Variants in NPLOC4 observed in about 807,000 individuals in gnomAD.
The protein encoded by NPLOC4 is nuclear protein localization protein 4 homolog.
A neutral mutation model predicts 80.6 loss-of-function variants in NPLOC4; 18 were observed. The observed-to-expected ratio is 0.22, with a 90% CI of 0.15 to 0.33. The LOEUF is 0.33. NPLOC4 is among the 10% of genes least tolerant of loss of function. The probability of loss-of-function intolerance (pLI) is 1.00; values close to 1 mark genes in which losing one functional copy is unlikely to be tolerated. For missense variants in NPLOC4, 540 were observed against 786.1 expected, an observed-to-expected ratio of 0.69 and a Z score of 3.74; for synonymous variants, 313 against 301.5, an observed-to-expected ratio of 1.04 and a Z score of -0.39.
In NPLOC4 at chr17:81,596,057, AG is replaced by A; in HGVS notation, c.1120+58del. On this transcript the variant is annotated intron_variant, in intron 11 of 16. Transcript: ENST00000331134. ...TTAAGGATAAAAAGCTACCAAAAAGAGGAACAAAATATATTAACGAGGTGGT... is the reference window on the plus strand; with the variant it reads ...TTAAGGATAAAAAGCTACCAAAAAGAGAACAAAATATATTAACGAGGTGGT... 3.9e-6 allele frequency: 6 copies of A among 1,531,558 alleles called. No individual in the cohort carries two copies. In the South Asian group the frequency reaches 7.1e-5, roughly 18 times the overall value. The allele number at this position is 1,531,558 out of a possible 1,614,324, so 94.9% of individuals were successfully genotyped here.
Position 81,567,291 on chromosome 17 carries a change from G to T in NPLOC4, c.1566+126C>A. ...ATAGGACAAATGAGGGGGACAACCT[G>T]TGACCCCGAGCTTTGACCCAGTTTC... On this transcript the variant is annotated intron_variant, in intron 15 of 16. Transcript: ENST00000331134. The surrounding 1 kb of genome is among the most constrained non-coding windows in gnomAD (Gnocchi z 4.5). The T allele has an allele frequency of 1.5e-6, 1 of 649,740 alleles. No homozygotes were observed. Among genetic ancestry groups the T allele is most frequent in the Non-Finnish European group, 2.8e-6 (1 of 357,880 alleles). 40.2% of individuals were successfully genotyped at this position (649,740 alleles called of 1,614,324 possible).
chr17:81,572,034 C>T lies in NPLOC4; in HGVS notation c.1336G>A (p.Glu446Lys). 6.2e-7 allele frequency: 1 copy of T among 1,605,960 alleles called. No individual in the cohort carries two copies. Among genetic ancestry groups the T allele is most frequent in the Non-Finnish European group, 8.5e-7 (1 of 1,175,356 alleles). ...ITQLARPLPV[E>K]YLIIDITTTF... ...GCACTTACGTCTATGATGAGATACT[C>T]CACAGGCAGGGGCCGGGCCAGCTGG... is the stretch of plus-strand genomic sequence containing the variant. Residue 446 changes from glutamate to lysine, a missense_variant, in exon 13 of 17, where the codon GAG becomes AAG. Around this residue, in one of 6 missense-constraint regions of NPLOC4, gnomAD observed 251 missense variants for 377.5 expected, o/e 0.66. Coordinates refer to ENST00000331134, the MANE Select transcript of NPLOC4 (RefSeq NM_017921.4). The surrounding 1 kb of genome is among the most constrained non-coding windows in gnomAD (Gnocchi z 4.5).
chr17:81,591,409 C>T (rs1490340016), intron 11 of NPLOC4, among the ~76,000 whole-genome samples: 1 of 128,474 alleles, frequency 7.8e-6, no homozygotes, highest in African/African-American at 2.9e-5. Context: ...CACTCCAGCC[C>T]GGGCAATGGA....
chr17:81,588,444 T>C (rs1278596561), intron 12 of NPLOC4, among the ~76,000 whole-genome samples: 1 of 152,210 alleles, frequency 6.6e-6, no homozygotes, highest in African/African-American at 2.4e-5. Context: ...AACTGCAGCC[T>C]TGACCTCCCC....
At chr17:81,604,398 C>G in intron 8 of NPLOC4, 150 bp downstream of exon 8, 1 of 665,432 alleles carries the variant, frequency 1.5e-6, no homozygotes, top group Non-Finnish European at 2.5e-6. Context: ...ATCTCACTCT[C>G]CAATAACTCA....
intron 3 of NPLOC4, among the ~76,000 whole-genome samples, chr17:81,619,020 G>A (rs921912294): frequency 2.6e-5 from 4 of 151,960 alleles, no homozygotes; most frequent in African/African-American, 9.7e-5. Context: ...CTGGTTAAGA[G>A]TCATCACCAC....
chr17:81,620,780 CAG>C (rs1235277711), intron 3 of NPLOC4, among the ~76,000 whole-genome samples: 1 of 152,146 alleles, frequency 6.6e-6, no homozygotes, highest in Admixed American at 6.6e-5. Context: ...CTGGCTGGAA[CAG>C]AGAGTGTGCA....
At position 81,629,883 on chromosome 17, in the gene NPLOC4, C is replaced by G; in HGVS notation, c.16-78G>C. 1.9e-6 allele frequency: 2 copies of G among 1,033,504 alleles called. 1 individual carries two copies. Among genetic ancestry groups the G allele is most frequent in the Non-Finnish European group, 3.0e-6 (2 of 664,948 alleles). The allele number at this position is 1,033,504 out of a possible 1,614,324, so 64.0% of individuals were successfully genotyped here. On this transcript the variant is annotated intron_variant, in intron 1 of 16. Transcript: ENST00000331134. ...TAATACTACGGCTTCCATCTGTGGT[C>G]TTTTAGCATCTGGGTCACTGAAAAT...
chr17:81,622,245 A>C lies in NPLOC4; in HGVS notation c.130T>G (p.Phe44Val). Residue 44 changes from phenylalanine (F) to valine (V), a missense_variant, in exon 3 of 17, where the codon TTC becomes GTC. Coordinates refer to ENST00000331134, the MANE Select transcript of NPLOC4 (RefSeq NM_017921.4). Reference protein sequence around the residue: ...AKEFGFQNNGFSVYINRNKTG... With the variant: ...AKEFGFQNNGVSVYINRNKTG... ...TTGTTTCTATTGATGTAAACCGAGA[A>C]GCCATTATTTTGGAAGCCAAACTCC... 6.2e-7 allele frequency: 1 copy of C among 1,613,926 alleles called. No homozygotes were observed. Among genetic ancestry groups the C allele is most frequent in the Non-Finnish European group, 8.5e-7 (1 of 1,179,826 alleles).
rs1000234797 is a variant in NPLOC4 at position 81,572,702 on chromosome 17, C to T, written c.1282-614G>A. ...TCCACCCATGGCGCTTGGCCTGGCA[C>T]TCAGGCGCGATCTGCGACAGGCAGA... On this transcript the variant is annotated intron_variant, in intron 12 of 16. Transcript: ENST00000331134. The surrounding 1 kb of genome is among the most constrained non-coding windows in gnomAD (Gnocchi z 4.5). 2.6e-5 allele frequency among the ~76,000 whole-genome samples: 4 copies of T among 152,222 alleles called. No individual in the cohort carries two copies. Among genetic ancestry groups the T allele is most frequent in the East Asian group, 1.9e-4 (1 of 5,198 alleles).
intron 12 of NPLOC4, among the ~76,000 whole-genome samples, chr17:81,586,474 G>A (rs2034584319): frequency 6.6e-6 from 1 of 152,046 alleles, no homozygotes; most frequent in African/African-American, 2.4e-5. Context: ...AGCCGGGCAG[G>A]TGGCACACAT....
At chr17:81,613,131 A>AAAG (rs1323325489) in intron 4 of NPLOC4, 187 bp downstream of exon 4, 1 of 532,856 alleles carries the variant, frequency 1.9e-6, no homozygotes, top group East Asian at 3.8e-5. Context: ...AAAAGCTAAA[A>AAAG]AAAAAAAACA....
chr17:81,595,910 A>T (rs751265697), intron 11 of NPLOC4, among the ~76,000 whole-genome samples: 1 of 151,552 alleles, frequency 6.6e-6, no homozygotes, highest in Non-Finnish European at 1.5e-5. Context: ...TGATTCTGTT[A>T]TGAGTTTTGG....
At chr17:81,624,183 G>T (rs1384842657) in intron 2 of NPLOC4, among the ~76,000 whole-genome samples, 1 of 152,180 alleles carries the variant, frequency 6.6e-6, no homozygotes, top group Non-Finnish European at 1.5e-5. Context: ...CACTCTGGGA[G>T]GCCGAGGTGG....
chr17:81,610,491 C>T (rs567694671), intron 4 of NPLOC4, among the ~76,000 whole-genome samples: 303 of 152,236 alleles, frequency 2.0e-3, no homozygotes, highest in African/African-American at 6.9e-3. Flanking sequence ...TGGCTCCCTG[C>T]AGCCTTCACC....
chr17:81,565,408 G>A (rs758660379), intron 16 of NPLOC4, 97 bp downstream of exon 16: 24 of 1,064,786 alleles, frequency 2.3e-5, no homozygotes, highest in South Asian at 1.2e-4. Context: ...AGCTGGGTGC[G>A]GAATCCAGGG....
At chr17:81,619,830 G>A (rs1375859372) in intron 3 of NPLOC4, among the ~76,000 whole-genome samples, 1 of 150,850 alleles carries the variant, frequency 6.6e-6, no homozygotes, top group Non-Finnish European at 1.5e-5. Context: ...AGTGAGCTGA[G>A]ATTGCGCCAC....
Position 81,620,302 on chromosome 17 carries a change from C to G in NPLOC4, c.209+1864G>C, listed in dbSNP as rs547991389. Among the ~76,000 whole-genome samples, 6 of 152,206 alleles carry G rather than the reference C, an allele frequency of 3.9e-5. No homozygotes were observed. The East Asian group carries it at 5.8e-4, about 15-fold the overall frequency. The stretch of plus-strand genomic sequence containing the variant: ...CACGAGGTCAGGAATTCGAGACCAG[C>G]TTGGCCAACTTAGTGAAACCCCACC... On this transcript the variant is annotated intron_variant, in intron 3 of 16. Coordinates refer to ENST00000331134, the MANE Select transcript of NPLOC4 (RefSeq NM_017921.4).
At chr17:81,633,412 G>C (rs2035981888) in intron 1 of NPLOC4, among the ~76,000 whole-genome samples, 1 of 152,196 alleles carries the variant, frequency 6.6e-6, no homozygotes, top group Non-Finnish European at 1.5e-5. Context: ...TCAGGCTGCA[G>C]AATTCTAAGG....
Sources: allele counts gnomAD v4.1 joint callset (sites outside exome capture counted in the v4.1 genomes callset), GRCh38; gene constraint gnomAD v4.1.1; regional missense constraint gnomAD v4.1.1; non-coding constraint Gnocchi (gnomAD v3.1); transcripts MANE v1.5; gene names NCBI Gene and HGNC (gene_info 2026-07-23, HGNC 2026-07-21).